Variants in RIMS1 observed in about 807,000 individuals in gnomAD.
RIMS1 encodes the protein regulating synaptic membrane exocytosis 1, also known as regulating synaptic membrane exocytosis protein 1.
A neutral mutation model predicts 214.1 loss-of-function variants in RIMS1; 83 were observed. The ratio of observed to expected loss-of-function variants is 0.39; its 90% confidence interval spans 0.32 to 0.47. The LOEUF (loss-of-function observed/expected upper bound fraction) is 0.47, where lower values mean the gene tolerates loss of function less well. Among genes scored for constraint, RIMS1 ranks in the 20% least tolerant of loss-of-function variants. RIMS1 has a pLI of 0.99. For missense variants in RIMS1, 2,050 were observed against 2,161.8 expected, an observed-to-expected ratio of 0.95 and a Z score of 1.03; for synonymous variants, 793 against 786.8, an observed-to-expected ratio of 1.01 and a Z score of -0.13.
intron 6 of RIMS1, among the ~76,000 whole-genome samples, chr6:72,230,936 A>G (rs1350080743): frequency 6.6e-6 from 1 of 151,574 alleles, no homozygotes; most frequent in Non-Finnish European, 1.5e-5. Flanking sequence ...GTAATAGTGA[A>G]TTAGTTCCTA....
intron 2 of RIMS1, among the ~76,000 whole-genome samples, chr6:71,990,919 T>C (rs79216097): frequency 1.3e-5 from 2 of 152,128 alleles, no homozygotes; most frequent in African/African-American, 2.4e-5. Flanking sequence ...ACCAGTCTTA[T>C]AAGGCTTCAT....
intron 16 of RIMS1, among the ~76,000 whole-genome samples, chr6:72,255,225 A>T (rs1377407084): frequency 6.6e-6 from 1 of 152,220 alleles, no homozygotes; most frequent in East Asian, 1.9e-4. Flanking sequence ...AAGTTAGCAC[A>T]GTGCATTCTT....
chr6:71,893,124 A>AT (rs1194958403), intron 1 of RIMS1, among the ~76,000 whole-genome samples: 1 of 152,106 alleles, frequency 6.6e-6, no homozygotes, highest in Non-Finnish European at 1.5e-5. Context: ...CCAAGATTAT[A>AT]TTTTCCAGTA....
chr6:72,006,398 G>A (rs550537739), intron 2 of RIMS1, among the ~76,000 whole-genome samples: 16 of 152,294 alleles, frequency 1.1e-4, no homozygotes, highest in South Asian at 2.1e-4. Context: ...AGCTCCCAGC[G>A]TGAGCAACGC....
In RIMS1 at chr6:72,259,072, C is replaced by G; in HGVS notation, c.3014C>G (p.Thr1005Ser). 6.2e-7 allele frequency: 1 copy of G among 1,612,440 alleles called. No individual in the cohort carries two copies. The highest frequency in any genetic ancestry group is 8.5e-7 in the Non-Finnish European group (1 of 1,178,800). Residue 1005 changes from threonine to serine, a missense_variant, in exon 18 of 34, where the codon ACC (threonine) becomes AGC (serine). Thr to Ser is a moderately conservative substitution (Grantham distance 58, BLOSUM62 1). This residue lies in a region of RIMS1 where 889 missense variants were observed against 885.5 expected (regional missense o/e 1.00). Transcript: ENST00000521978. ...DASRSPVDHR[T>S]RDVDSQYLSE... ...TCCCGAAGTCCAGTTGATCATAGAACCAGAGATGTGGATAGTCAGTATTTA... is the reference window on the plus strand; with the variant it reads ...TCCCGAAGTCCAGTTGATCATAGAAGCAGAGATGTGGATAGTCAGTATTTA...
rs1016346623 is a variant in RIMS1 at position 72,356,010 on chromosome 6, C to T, written c.4366+22175C>T. Among the ~76,000 whole-genome samples the T allele has an allele frequency of 7.2e-5, 11 of 152,244 alleles. No individual in the cohort carries two copies. In the East Asian group the frequency reaches 1.2e-3, roughly 16 times the overall value. ...AAAGAATATTGTATATCATCATTGA[C>T]GTAATTCTTCCACATAATCTGGAAG... On this transcript the variant is annotated intron_variant, in intron 29 of 33. Coordinates refer to ENST00000521978, the MANE Select transcript of RIMS1 (RefSeq NM_014989.7).
At chr6:72,367,064 C>T (rs1173826871) in intron 29 of RIMS1, among the ~76,000 whole-genome samples, 1 of 152,082 alleles carries the variant, frequency 6.6e-6, no homozygotes, top group African/African-American at 2.4e-5. Flanking sequence ...AAAAATTATG[C>T]AGTGGACGAA....
chr6:71,927,249 A>G (rs960816711), intron 1 of RIMS1, among the ~76,000 whole-genome samples: 38 of 152,300 alleles, frequency 2.5e-4, no homozygotes, highest in Admixed American at 9.2e-4. Flanking sequence ...TTAACAGAAC[A>G]TGGCTACTTA....
At chr6:71,985,791 G>A (rs908227829) in intron 2 of RIMS1, among the ~76,000 whole-genome samples, 4 of 152,152 alleles carry the variant, frequency 2.6e-5, no homozygotes, top group African/African-American at 7.2e-5. Flanking sequence ...TCTTTCCTCT[G>A]CCTGGAGTGC....
chr6:71,910,939 ATTG>A (rs1316701011), intron 1 of RIMS1, among the ~76,000 whole-genome samples: 1 of 152,148 alleles, frequency 6.6e-6, no homozygotes, highest in African/African-American at 2.4e-5. Flanking sequence ...GGAAGATTAG[ATTG>A]AAGGAAGATA....
At chr6:72,307,695 C>G (rs564776332) in intron 27 of RIMS1, among the ~76,000 whole-genome samples, 1 of 151,836 alleles carries the variant, frequency 6.6e-6, no homozygotes, top group Non-Finnish European at 1.5e-5. Context: ...TGCAGTGAGC[C>G]GAGATCGCAC....
chr6:72,099,383 A>C (rs2032944582), intron 3 of RIMS1, among the ~76,000 whole-genome samples: 1 of 152,210 alleles, frequency 6.6e-6, no homozygotes, highest in Non-Finnish European at 1.5e-5. Flanking sequence ...TTTCATTCGG[A>C]GCACAAGACA....
At chr6:72,249,954 G>A (rs1008859359) in intron 12 of RIMS1, among the ~76,000 whole-genome samples, 1 of 151,572 alleles carries the variant, frequency 6.6e-6, no homozygotes, top group Non-Finnish European at 1.5e-5. Context: ...ATTTAGTCAC[G>A]CTATAATAAT....
chr6:71,985,458 A>G (rs1306773336), intron 2 of RIMS1, among the ~76,000 whole-genome samples: 2 of 152,100 alleles, frequency 1.3e-5, no homozygotes, highest in African/African-American at 2.4e-5. Context: ...CCAACTTCCT[A>G]ATTATTTTGA....
chr6:72,259,020 C>T lies in RIMS1; in HGVS notation c.2962C>T (p.Arg988Cys). The T allele has an allele frequency of 6.2e-7, 1 of 1,612,436 alleles. No homozygotes were observed. Among genetic ancestry groups the T allele is most frequent in the Non-Finnish European group, 8.5e-7 (1 of 1,178,710 alleles). ...TGAAATTCATCCAACAAGAAGGTCA[C>T]GTTCTCCAACCAGACACCATGATGC... Reference protein sequence around the residue: ...LDEIHPTRRSRSPTRHHDASR... With the variant: ...LDEIHPTRRSCSPTRHHDASR... Residue 988 changes from arginine (R) to cysteine (C), a missense_variant, in exon 18 of 34, where the codon CGT becomes TGT. Arg to Cys is a radical substitution (Grantham distance 180). Transcript: ENST00000521978.
intron 2 of RIMS1, among the ~76,000 whole-genome samples, chr6:72,076,852 T>C (rs1194582141): frequency 1.3e-5 from 2 of 152,194 alleles, no homozygotes; most frequent in African/African-American, 4.8e-5. Context: ...ACTGCCTTGC[T>C]TATGGTCTGG....
intron 4 of RIMS1, among the ~76,000 whole-genome samples, chr6:72,129,898 C>A (rs1017474408): frequency 2.0e-5 from 3 of 152,072 alleles, no homozygotes; most frequent in Admixed American, 2.0e-4. Context: ...AAAACTAGAT[C>A]ATTTGTAACT....
intron 6 of RIMS1, among the ~76,000 whole-genome samples, chr6:72,226,776 G>A (rs1274165641): frequency 6.6e-6 from 1 of 151,902 alleles, no homozygotes; most frequent in African/African-American, 2.4e-5. Context: ...AGCATGTTTT[G>A]CAAAGATTAC....
Position 72,401,010 on chromosome 6 carries a change from C to T in RIMS1, c.*296C>T, listed in dbSNP as rs374819124. Reference sequence around the variant, plus strand: ...ACGCATACACGTACACACACACATGCACACACACACACACCAAATTGAACA... The same window carrying T: ...ACGCATACACGTACACACACACATGTACACACACACACACCAAATTGAACA... On this transcript the variant is annotated 3_prime_UTR_variant, in exon 34 of 34. Coordinates refer to ENST00000521978, the MANE Select transcript of RIMS1 (RefSeq NM_014989.7). 243 of 255,320 alleles carry T rather than the reference C, an allele frequency of 9.5e-4. No individual in the cohort carries two copies. The highest frequency in any genetic ancestry group is 4.9e-3 in the African/African-American group (226 of 45,754). The allele number at this position is 255,320 out of a possible 1,614,324, so 15.8% of individuals were successfully genotyped here.
Sources: allele counts gnomAD v4.1 joint callset (sites outside exome capture counted in the v4.1 genomes callset), GRCh38; gene constraint gnomAD v4.1.1; regional missense constraint gnomAD v4.1.1; transcripts MANE v1.5; gene names NCBI Gene and HGNC (gene_info 2026-07-23, HGNC 2026-07-21).